Variants in DHRSX observed in about 807,000 individuals in gnomAD.
The protein encoded by DHRSX is polyprenol dehydrogenase.
In DHRSX, 31 loss-of-function variants were observed where a neutral mutation model predicts 34.0. The observed-to-expected ratio is 0.91, with a 90% CI of 0.69 to 1.23. The LOEUF is 1.23. Among genes scored for constraint, DHRSX ranks in the 50% most tolerant of loss-of-function variants. The pLI, the probability that DHRSX is intolerant of heterozygous loss-of-function variation, is 0.00. For synonymous variants in DHRSX, 201 were observed against 183.8 expected (o/e 1.09, Z -0.76); for missense variants, 414 against 428.1 (o/e 0.97, Z 0.29).
chrX:2,289,426 C>T (rs2041841791), intron 4 of DHRSX, among the ~76,000 whole-genome samples: 1 of 152,042 alleles, frequency 6.6e-6, no homozygotes, highest in African/African-American at 2.4e-5. Flanking sequence ...CCTGAGATTC[C>T]TAATTTTTTC....
intron 5 of DHRSX, among the ~76,000 whole-genome samples, chrX:2,245,786 T>A (rs190917773): frequency 6.8e-6 from 1 of 147,816 alleles, no homozygotes; most frequent in Admixed American, 6.7e-5. Context: ...TGAAACCCTG[T>A]CTCTACTAAA....
chrX:2,362,663 A>G (rs1404122622), intron 3 of DHRSX, among the ~76,000 whole-genome samples: 4 of 152,200 alleles, frequency 2.6e-5, no homozygotes, highest in Non-Finnish European at 5.9e-5. Flanking sequence ...GGATGGATCA[A>G]TAACTCCACC....
chrX:2,291,638 T>C, intron 3 of DHRSX, 35 bp from the exon 4 acceptor site: 10 of 1,442,900 alleles, frequency 6.9e-6, no homozygotes, highest in Non-Finnish European at 8.8e-6. Context: ...TACCTGGTTA[T>C]CTCCCAACCT....
At chrX:2,337,189 G>A (rs923251697) in intron 3 of DHRSX, among the ~76,000 whole-genome samples, 20 of 152,068 alleles carry the variant, frequency 1.3e-4, no homozygotes, top group Non-Finnish European at 2.4e-4. Flanking sequence ...CCCAAACACC[G>A]TGAATGTGAA....
At chrX:2,298,793 C>T (rs1923708008) in intron 3 of DHRSX, among the ~76,000 whole-genome samples, 1 of 151,886 alleles carries the variant, frequency 6.6e-6, no homozygotes, top group African/African-American at 2.4e-5. Context: ...CAAGACCAGC[C>T]TGGCCAACAT....
At chrX:2,317,606 C>T (rs1316779008) in intron 3 of DHRSX, among the ~76,000 whole-genome samples, 3 of 150,022 alleles carry the variant, frequency 2.0e-5, no homozygotes, top group African/African-American at 7.4e-5. Flanking sequence ...GGGAAAAAAG[C>T]AGGCAGGAGG....
chrX:2,370,376 T>C (rs1364899381), intron 3 of DHRSX, among the ~76,000 whole-genome samples: 1 of 152,050 alleles, frequency 6.6e-6, no homozygotes, highest in Non-Finnish European at 1.5e-5. Flanking sequence ...TTCACCATGT[T>C]GGTCAGGCTG....
chrX:2,304,993 G>T (rs952776728), intron 3 of DHRSX, among the ~76,000 whole-genome samples: 1 of 151,954 alleles, frequency 6.6e-6, no homozygotes, highest in Non-Finnish European at 1.5e-5. Flanking sequence ...AAAAAAAATG[G>T]TACATATACA....
chrX:2,266,217 C>A (rs1476119717), intron 5 of DHRSX, among the ~76,000 whole-genome samples: 1 of 141,468 alleles, frequency 7.1e-6, no homozygotes, highest in Admixed American at 6.9e-5. Context: ...ACGCAGGGAG[C>A]ACTGTCCCCA....
chrX:2,411,027 C>A (rs1290732864), intron 2 of DHRSX, among the ~76,000 whole-genome samples: 5 of 151,848 alleles, frequency 3.3e-5, no homozygotes, highest in Non-Finnish European at 7.4e-5. Flanking sequence ...TGGGTTTCGA[C>A]GGGAGGGAGA....
chrX:2,423,328 G>A (rs1364904975), intron 2 of DHRSX, among the ~76,000 whole-genome samples: 4 of 152,018 alleles, frequency 2.6e-5, no homozygotes, highest in Admixed American at 6.5e-5. Context: ...CAGGAGAGTC[G>A]CTTGAACCCA....
chrX:2,432,442 A>T (rs113337088), intron 1 of DHRSX, among the ~76,000 whole-genome samples: 13,402 of 152,164 alleles, frequency 0.088, 878 homozygotes, highest in African/African-American at 0.19. Context: ...AAAGATTGAG[A>T]ACACAATGGC....
At chrX:2,324,548 G>T (rs995022114) in intron 3 of DHRSX, among the ~76,000 whole-genome samples, 1 of 152,062 alleles carries the variant, frequency 6.6e-6, no homozygotes, top group African/African-American at 2.4e-5. Context: ...ACACTGGATA[G>T]GACAGAAGCT....
chrX:2,237,965 C>T (rs1270230875), intron 6 of DHRSX, among the ~76,000 whole-genome samples: 1 of 152,098 alleles, frequency 6.6e-6, no homozygotes, highest in Non-Finnish European at 1.5e-5. Flanking sequence ...GAAGAGCACA[C>T]ATGCCCTCTG....
chrX:2,343,201 C>G (rs1273080278), intron 3 of DHRSX, among the ~76,000 whole-genome samples: 3 of 152,164 alleles, frequency 2.0e-5, no homozygotes, highest in Admixed American at 6.5e-5. Context: ...ATAAGCACCC[C>G]CTTCCAAAAC....
chrX:2,415,371 C>A lies in DHRSX; in HGVS notation c.218-6558G>T, dbSNP rs188480930. Among the ~76,000 whole-genome samples, 6 of 151,666 alleles carry A rather than the reference C, an allele frequency of 4.0e-5. No individual in the cohort carries two copies. In the East Asian group the frequency reaches 9.7e-4, roughly 25 times the overall value. Reference sequence around the variant, plus strand: ...CAACTAGATCTCATCATAACCTAACCCAACTATAACTCATCATGATCTAGT... The same window carrying A: ...CAACTAGATCTCATCATAACCTAACACAACTATAACTCATCATGATCTAGT... On this transcript the variant is annotated intron_variant, in intron 2 of 6. Coordinates refer to ENST00000334651, the MANE Select transcript of DHRSX (RefSeq NM_145177.3).
At chrX:2,399,009 A>T (rs6642035) in intron 3 of DHRSX, among the ~76,000 whole-genome samples, 3 of 151,742 alleles carry the variant, frequency 2.0e-5, no homozygotes, top group Non-Finnish European at 2.9e-5. Context: ...CCCGCCACCA[A>T]GCCCAGCTAA....
intron 3 of DHRSX, among the ~76,000 whole-genome samples, chrX:2,329,377 C>T (rs1276317425): frequency 1.3e-5 from 2 of 152,120 alleles, no homozygotes; most frequent in African/African-American, 4.8e-5. Context: ...GCGGTTCAAA[C>T]GCCATATTGG....
intron 3 of DHRSX, among the ~76,000 whole-genome samples, chrX:2,324,331 C>T (rs1259490805): frequency 6.6e-6 from 1 of 152,068 alleles, no homozygotes; most frequent in Non-Finnish European, 1.5e-5. Flanking sequence ...CACAGAGCTC[C>T]GTAGGCGGCT....
Sources: gnomAD v4.1 joint callset for allele counts (sites outside exome capture counted in the v4.1 genomes callset) on GRCh38, gnomAD v4.1.1 for gene constraint, MANE v1.5 for transcripts, NCBI Gene and HGNC (gene_info 2026-07-23, HGNC 2026-07-21) for gene names.